ARAP2: variants seen among roughly 807,000 people sequenced by gnomAD.
ARAP2 encodes the protein arf-GAP with Rho-GAP domain, ANK repeat and PH domain-containing protein 2.
In ARAP2, 148 loss-of-function variants were observed where a neutral mutation model predicts 194.5. The ratio of observed to expected loss-of-function variants is 0.76; its 90% confidence interval spans 0.67 to 0.87. The LOEUF (loss-of-function observed/expected upper bound fraction) is 0.87. Among genes scored for constraint, ARAP2 ranks in the 40% least tolerant of loss-of-function variants. The probability of loss-of-function intolerance (pLI) is 0.00; values close to 1 mark genes in which losing one functional copy is unlikely to be tolerated. For synonymous variants in ARAP2, 695 were observed against 683.5 expected (o/e 1.02, Z -0.26); for missense variants, 2,128 against 1,989.7 (o/e 1.07, Z -1.32).
chr4:36,090,815 T>C (rs2109383476), intron 28 of ARAP2, among the ~76,000 whole-genome samples: 1 of 152,198 alleles, frequency 6.6e-6, no homozygotes, highest in African/African-American at 2.4e-5. Context: ...GCTTAATACC[T>C]AAGTGATGAA....
intron 15 of ARAP2, among the ~76,000 whole-genome samples, chr4:36,156,203 A>G (rs1190689470): frequency 1.3e-5 from 2 of 150,896 alleles, no homozygotes; most frequent in Non-Finnish European, 2.9e-5. Flanking sequence ...AATTACTTGA[A>G]CCCAGGAGGC....
Position 36,020,181 on chromosome 4 carries a change from C to A in ARAP2, n.608-895G>T, listed in dbSNP as rs529014150. 2.0e-5 allele frequency among the ~76,000 whole-genome samples: 3 copies of A among 152,260 alleles called. No homozygotes were observed. In the East Asian group the frequency reaches 5.8e-4, roughly 29 times the overall value. ...AGCCCAGCAATTTGGGAGGCCAAGGCGGGCAGATCAGCTGCTGTCAGGAGT... is the reference window on the plus strand; with the variant it reads ...AGCCCAGCAATTTGGGAGGCCAAGGAGGGCAGATCAGCTGCTGTCAGGAGT... On this transcript the variant is annotated intron_variant and non_coding_transcript_variant, in intron 5 of 12. Transcript: ENST00000503225.
At chr4:36,173,384 C>T (rs1266681164) in intron 9 of ARAP2, among the ~76,000 whole-genome samples, 1 of 152,138 alleles carries the variant, frequency 6.6e-6, no homozygotes, top group South Asian at 2.1e-4. Context: ...ACACACTATA[C>T]ACCTATCATT....
exon 10 of ARAP2, chr4:36,006,941 G>T (rs1017333841): frequency 6.6e-6 from 1 of 152,094 alleles, no homozygotes; most frequent in Non-Finnish European, 1.5e-5. Flanking sequence ...CCAGCTACTT[G>T]GGAGGCTGAG....
In ARAP2 at chr4:36,150,111, T is replaced by A. The variant is rs1255667448; in HGVS notation, c.2897+789A>T. Among the ~76,000 whole-genome samples, 4 of 152,218 alleles carry A rather than the reference T, an allele frequency of 2.6e-5. No homozygotes were observed. The East Asian group carries it at 7.7e-4, about 29-fold the overall frequency. ...TAAATAATGCTTAATCTATTCATTG[T>A]TACTTTTTTCTGACCATTAAATTAA... On this transcript the variant is annotated intron_variant, in intron 16 of 32. Transcript: ENST00000303965.
At chr4:36,173,975 C>T (rs1737239334) in intron 9 of ARAP2, among the ~76,000 whole-genome samples, 4 of 152,128 alleles carry the variant, frequency 2.6e-5, no homozygotes, top group Admixed American at 2.6e-4. Flanking sequence ...TCATCATCAT[C>T]AGAAAGGAAG....
At chr4:36,229,702 TA>T (rs1560725774) in intron 1 of ARAP2, 57 bp from the exon 2 acceptor site, 2 of 385,914 alleles carry the variant, frequency 5.2e-6, no homozygotes, top group Non-Finnish European at 9.3e-6. Context: ...AATCTACTTT[TA>T]TATACTTTCT....
intron 5 of ARAP2, among the ~76,000 whole-genome samples, chr4:36,045,755 C>T (rs752117921): frequency 6.6e-6 from 1 of 152,106 alleles, no homozygotes; most frequent in Non-Finnish European, 1.5e-5. Flanking sequence ...GCTAATTAGA[C>T]TGATTTGATC....
intron 5 of ARAP2, among the ~76,000 whole-genome samples, chr4:36,035,415 A>G (rs1719735518): frequency 6.6e-6 from 1 of 152,132 alleles, no homozygotes; most frequent in South Asian, 2.1e-4. Context: ...TATAAATTCT[A>G]TTATTGATGG....
intron 9 of ARAP2, among the ~76,000 whole-genome samples, chr4:36,175,062 A>G (rs1737550545): frequency 1.3e-5 from 2 of 152,166 alleles, no homozygotes; most frequent in Admixed American, 1.3e-4. Context: ...TATTCATGCT[A>G]TTAAGTTATG....
intron 12 of ARAP2, among the ~76,000 whole-genome samples, chr4:36,161,040 A>C (rs1281139555): frequency 6.6e-6 from 1 of 152,160 alleles, no homozygotes; most frequent in East Asian, 1.9e-4. Context: ...CCTCCATCAC[A>C]GTTAATGACA....
chr4:36,215,919 C>A (rs556291741), intron 2 of ARAP2, among the ~76,000 whole-genome samples: 10 of 151,920 alleles, frequency 6.6e-5, no homozygotes, highest in Non-Finnish European at 8.8e-5. Context: ...TATAGAGAGA[C>A]CTTGTCTCTA....
intron 6 of ARAP2, among the ~76,000 whole-genome samples, chr4:36,018,609 C>T (rs1716321186): frequency 6.6e-6 from 1 of 152,190 alleles, no homozygotes; most frequent in African/African-American, 2.4e-5. Flanking sequence ...TGTGTGAACA[C>T]TTATATTCAT....
At chr4:36,182,631 G>A (rs916842293) in intron 8 of ARAP2, among the ~76,000 whole-genome samples, 3 of 152,196 alleles carry the variant, frequency 2.0e-5, no homozygotes, top group Non-Finnish European at 4.4e-5. Flanking sequence ...GATGACAGCT[G>A]ATCTCATGAG....
intron 2 of ARAP2, among the ~76,000 whole-genome samples, chr4:36,219,994 C>T (rs1748801426): frequency 6.6e-6 from 1 of 152,072 alleles, no homozygotes; most frequent in African/African-American, 2.4e-5. Context: ...TTTTTAAAAG[C>T]ATCCTTTATG....
chr4:36,031,084 C>G (rs990671456), intron 5 of ARAP2, among the ~76,000 whole-genome samples: 5 of 152,124 alleles, frequency 3.3e-5, no homozygotes, highest in Non-Finnish European at 7.4e-5. Context: ...GAGCCAAGAT[C>G]GTGCCATTGC....
At chr4:36,236,345 A>G (rs1337207235) in intron 1 of ARAP2, among the ~76,000 whole-genome samples, 1 of 152,134 alleles carries the variant, frequency 6.6e-6, no homozygotes, top group Non-Finnish European at 1.5e-5. Flanking sequence ...ACAACTGAAA[A>G]CCATGGGTTA....
chr4:36,152,318 C>T (rs947583105), intron 15 of ARAP2, among the ~76,000 whole-genome samples: 4 of 152,042 alleles, frequency 2.6e-5, no homozygotes. Context: ...AGTGTATGTC[C>T]TGCACAGTTA....
chr4:36,139,199 T>C (rs1727610188), intron 19 of ARAP2, among the ~76,000 whole-genome samples: 2 of 151,700 alleles, frequency 1.3e-5, no homozygotes, highest in Admixed American at 6.6e-5. Flanking sequence ...CCTTGCTTTA[T>C]CATATTAAAC....
Sources: allele counts gnomAD v4.1 joint callset (sites outside exome capture counted in the v4.1 genomes callset), GRCh38; gene constraint gnomAD v4.1.1; transcripts MANE v1.5; gene names NCBI Gene and HGNC (gene_info 2026-07-23, HGNC 2026-07-21).